The following RBFOX3 variants were observed in gnomAD, a reference collection of about 807,000 sequenced individuals.
The protein encoded by RBFOX3 is RNA binding fox-1 homolog 3.
Under a neutral mutation model 48.7 loss-of-function variants are expected in RBFOX3, and 17 were observed. That is an observed-to-expected ratio of 0.35 (90% CI 0.24 to 0.52). RBFOX3 has a LOEUF of 0.52. Among genes scored for constraint, RBFOX3 ranks in the 20% least tolerant of loss-of-function variants. The probability of loss-of-function intolerance (pLI) is 0.94; values close to 1 mark genes in which losing one functional copy is unlikely to be tolerated. For synonymous variants in RBFOX3, 212 were observed against 209.5 expected (o/e 1.01, Z -0.10); for missense variants, 382 against 497.5 (o/e 0.77, Z 2.21).
In RBFOX3 at chr17:79,421,308, C is replaced by T. The variant is rs925328003; in HGVS notation, c.-175+61146G>A. 2.0e-5 allele frequency among the ~76,000 whole-genome samples: 3 copies of T among 152,204 alleles called. No homozygotes were observed. Among genetic ancestry groups the T allele is most frequent in the African/African-American group, 7.2e-5 (3 of 41,446 alleles). On this transcript the variant is annotated intron_variant, in intron 2 of 14. Transcript: ENST00000693108. This position sits in a 1 kb window ranked among gnomAD's most constrained non-coding sequence, Gnocchi z 4.5. ...GCTCCGAGGTCCTCTAGCAAACAACCGGGCCTGAGAGTGGTTCTGGAAGCC... is the reference window on the plus strand; with the variant it reads ...GCTCCGAGGTCCTCTAGCAAACAACTGGGCCTGAGAGTGGTTCTGGAAGCC...
In RBFOX3 at chr17:79,480,108, C is replaced by G. The variant is rs1464808603; in HGVS notation, c.-175+2346G>C. Among the ~76,000 whole-genome samples the G allele has an allele frequency of 6.6e-6, 1 of 152,198 alleles. No individual in the cohort carries two copies. Among genetic ancestry groups the G allele is most frequent in the East Asian group, 1.9e-4 (1 of 5,198 alleles). On this transcript the variant is annotated intron_variant, in intron 2 of 14. Transcript: ENST00000693108. The surrounding 1 kb of genome is among the most constrained non-coding windows in gnomAD (Gnocchi z 4.8). ...AGCGACACTGCAGGGAGCCCCAGGA[C>G]AGAAAGAGCCAGAAAGAGCAGTGGG...
At position 79,421,907 on chromosome 17, in the gene RBFOX3, G is replaced by A. The variant is rs150067740; in HGVS notation, c.-175+60547C>T. On this transcript the variant is annotated intron_variant, in intron 2 of 14. Coordinates refer to ENST00000693108, the MANE Select transcript of RBFOX3 (RefSeq NM_001350451.2). This position sits in a 1 kb window ranked among gnomAD's most constrained non-coding sequence, Gnocchi z 4.5. ...ACCCACGCCCCACCCCAAGCTGCCCGGTCCTCAGCAACTGGCCCCATGTTC... is the reference window on the plus strand; with the variant it reads ...ACCCACGCCCCACCCCAAGCTGCCCAGTCCTCAGCAACTGGCCCCATGTTC... 3.9e-3 allele frequency among the ~76,000 whole-genome samples: 588 copies of A among 152,210 alleles called. 3 individuals carry two copies. Among genetic ancestry groups the A allele is most frequent in the Non-Finnish European group, 6.2e-3 (424 of 68,002 alleles).
At position 79,090,768 on chromosome 17, in the gene RBFOX3, G is replaced by GTT; in HGVS notation, c.*114_*115insAA. 8.6e-5 allele frequency: 110 copies of GTT among 1,279,998 alleles called. No individual in the cohort carries two copies. In the South Asian group the frequency reaches 1.6e-3, roughly 19 times the overall value. The allele number at this position is 1,279,998 out of a possible 1,614,324, so 79.3% of individuals were successfully genotyped here. A position where few individuals can be genotyped will look rare whatever the true frequency, so the allele number is the denominator to read the frequency against. ...TGGTTGGATGCCTCTTGGTTTGGTT[G>GTT]GTTTTTTTTTTGTTGCTTGGATCTT... On this transcript the variant is annotated 3_prime_UTR_variant, in exon 15 of 15. Transcript: ENST00000693108.
chr17:79,613,385 G>A (rs2093982349), upstream of RBFOX3, among the ~76,000 whole-genome samples: 1 of 152,266 alleles, frequency 6.6e-6, no homozygotes, highest in African/African-American at 2.4e-5. Flanking sequence ...TTCGTGCTCA[G>A]CTGTCGTAGA....
chr17:79,505,257 C>T lies in RBFOX3; in HGVS notation c.-319-22659G>A, dbSNP rs889730094. ...ACCCCGCCCAGGCCCACCACACCCC[C>T]GCTTTAAACATTTCAGTGTACGCAG... On this transcript the variant is annotated intron_variant, in intron 1 of 14. Transcript: ENST00000693108. Among the ~76,000 whole-genome samples, 13 of 152,182 alleles carry T rather than the reference C, an allele frequency of 8.5e-5. No homozygotes were observed. The South Asian group carries it at 2.3e-3, about 27-fold the overall frequency.
chr17:79,326,112 G>A (rs1377292268), intron 2 of RBFOX3, among the ~76,000 whole-genome samples: 1 of 152,178 alleles, frequency 6.6e-6, no homozygotes, highest in African/African-American at 2.4e-5. Flanking sequence ...ACATACTTCT[G>A]GGGCGGTTTC....
chr17:79,360,058 A>G (rs1227584780), intron 2 of RBFOX3, among the ~76,000 whole-genome samples: 3 of 150,540 alleles, frequency 2.0e-5, no homozygotes. Flanking sequence ...TTTTTTTTTC[A>G]TGTTGGTATT....
intron 2 of RBFOX3, among the ~76,000 whole-genome samples, chr17:79,475,715 G>A (rs1006138953): frequency 2.0e-4 from 31 of 152,312 alleles, no homozygotes; most frequent in African/African-American, 6.5e-4. Flanking sequence ...CAGGAAGGTC[G>A]TGCGCGACAG....
intron 2 of RBFOX3, among the ~76,000 whole-genome samples, chr17:79,444,191 G>A (rs1304371736): frequency 1.3e-5 from 2 of 152,200 alleles, no homozygotes; most frequent in African/African-American, 4.8e-5. Flanking sequence ...GGAGGGGGCT[G>A]CAGACCGGAC....
intron 1 of RBFOX3, among the ~76,000 whole-genome samples, chr17:79,604,198 G>A (rs2093775117): frequency 6.6e-6 from 1 of 152,210 alleles, no homozygotes; most frequent in Non-Finnish European, 1.5e-5. Flanking sequence ...CCATGAATAA[G>A]GAAACTAACT....
At chr17:79,315,224 A>G (rs8064713) in intron 2 of RBFOX3, among the ~76,000 whole-genome samples, 113 of 152,286 alleles carry the variant, frequency 7.4e-4, no homozygotes, top group African/African-American at 2.4e-3. Context: ...GCCACTTCCC[A>G]AGAGGAAGTA....
chr17:79,496,017 A>T (rs1307355888), intron 1 of RBFOX3, among the ~76,000 whole-genome samples: 1 of 151,990 alleles, frequency 6.6e-6, no homozygotes, highest in Non-Finnish European at 1.5e-5. Flanking sequence ...AACGGCCGAC[A>T]TGTTCTCCGA....
At chr17:79,419,945 G>C (rs577724953) in intron 2 of RBFOX3, among the ~76,000 whole-genome samples, 1 of 152,232 alleles carries the variant, frequency 6.6e-6, no homozygotes, top group South Asian at 2.1e-4. Context: ...TGGGCAACAC[G>C]GTGAAACCTC....
rs921191381 is a variant in RBFOX3 at position 79,154,600 on chromosome 17, G to A, written c.-33-38852C>T. 2.0e-5 allele frequency among the ~76,000 whole-genome samples: 3 copies of A among 152,222 alleles called. 1 individual carries two copies. Among genetic ancestry groups the A allele is most frequent in the South Asian group, 4.1e-4 (2 of 4,834 alleles). On this transcript the variant is annotated intron_variant, in intron 4 of 14. Coordinates refer to ENST00000693108, the MANE Select transcript of RBFOX3 (RefSeq NM_001350451.2). ...ACAGAATGAAGGACGCTGGCTGGCTGCCCAGCCGGGCATGAGCCAGGACGA... is the reference window on the plus strand; with the variant it reads ...ACAGAATGAAGGACGCTGGCTGGCTACCCAGCCGGGCATGAGCCAGGACGA...
At chr17:79,577,552 G>A (rs2092905316) in intron 1 of RBFOX3, among the ~76,000 whole-genome samples, 1 of 152,228 alleles carries the variant, frequency 6.6e-6, no homozygotes, top group Non-Finnish European at 1.5e-5. Context: ...GACAAGAAAA[G>A]CATTTGTGTT....
intron 1 of RBFOX3, among the ~76,000 whole-genome samples, chr17:79,521,975 G>A (rs2086174142): frequency 6.6e-6 from 1 of 152,200 alleles, no homozygotes; most frequent in Admixed American, 6.5e-5. Context: ...AGAGTGAGCG[G>A]CAAAGGAGGG....
At chr17:79,399,594 G>A (rs573724807) in intron 2 of RBFOX3, among the ~76,000 whole-genome samples, 8 of 152,140 alleles carry the variant, frequency 5.3e-5, no homozygotes, top group East Asian at 1.9e-4. Context: ...AGCAGGCCAC[G>A]CTCTCCCAGC....
chr17:79,266,512 G>T (rs1030455218), intron 3 of RBFOX3, among the ~76,000 whole-genome samples: 7 of 152,164 alleles, frequency 4.6e-5, no homozygotes, highest in African/African-American at 1.7e-4. Flanking sequence ...TTTCAGGAGG[G>T]CTGTTACTGG....
intron 3 of RBFOX3, among the ~76,000 whole-genome samples, chr17:79,239,640 G>T (rs556210429): frequency 2.9e-4 from 44 of 152,362 alleles, no homozygotes; most frequent in African/African-American, 9.1e-4. Context: ...TGTGGTTGGG[G>T]TGAGTGCCCA....
Sources: allele counts gnomAD v4.1 joint callset (sites outside exome capture counted in the v4.1 genomes callset), GRCh38; gene constraint gnomAD v4.1.1; non-coding constraint Gnocchi (gnomAD v3.1); transcripts MANE v1.5; gene names NCBI Gene and HGNC (gene_info 2026-07-23, HGNC 2026-07-21).